CDK19: variants seen among roughly 807,000 people sequenced by gnomAD.
CDK19 encodes cyclin dependent kinase 19, also known as cyclin-dependent kinase 19.
CDK19 carries 20 observed loss-of-function variants against 68.3 expected under a neutral mutation model. The observed-to-expected ratio is 0.29, with a 90% CI of 0.21 to 0.43. CDK19 has a LOEUF of 0.43. Among genes scored for constraint, CDK19 ranks in the 20% least tolerant of loss-of-function variants. The pLI, the probability that CDK19 is intolerant of heterozygous loss-of-function variation, is 1.00. For missense variants in CDK19, 339 were observed against 623.5 expected, an observed-to-expected ratio of 0.54 and a Z score of 4.86; for synonymous variants, 221 against 222.8, an observed-to-expected ratio of 0.99 and a Z score of 0.07.
Position 110,621,215 on chromosome 6 carries a change from C to A in CDK19, c.1266G>T (p.Gly422=). The A allele has an allele frequency of 6.2e-7, 1 of 1,613,796 alleles. No homozygotes were observed. The highest frequency in any genetic ancestry group is 8.5e-7 in the Non-Finnish European group (1 of 1,180,020). Residue 422 remains glycine (G), a synonymous_variant, in exon 12 of 13, where the codon GGG becomes GGT. Coordinates refer to ENST00000368911, the MANE Select transcript of CDK19 (RefSeq NM_015076.5). The surrounding 1 kb of genome is among the most constrained non-coding windows in gnomAD (Gnocchi z 5.4). ...GGCTGGAGTCCTGGCTGTGCTGCAA[C>A]CCTGCTCCGGTGCCCCCGACCCCGG... The part of the protein sequence containing the change: ...AGAGVGGTGA[G]LQHSQDSSLN...
intron 1 of CDK19, among the ~76,000 whole-genome samples, chr6:110,746,630 T>C (rs1778095235): frequency 6.6e-6 from 1 of 152,194 alleles, no homozygotes; most frequent in African/African-American, 2.4e-5. Flanking sequence ...AATTTCATAG[T>C]ATAAGAAGCT....
intron 2 of CDK19, among the ~76,000 whole-genome samples, chr6:110,743,954 T>C (rs927308263): frequency 2.6e-5 from 4 of 151,592 alleles, no homozygotes; most frequent in African/African-American, 9.7e-5. Flanking sequence ...GATTTTAAAA[T>C]GTGACAAATC....
chr6:110,713,915 T>C (rs1011317187), intron 2 of CDK19, among the ~76,000 whole-genome samples: 2 of 152,236 alleles, frequency 1.3e-5, no homozygotes, highest in African/African-American at 4.8e-5. Flanking sequence ...TTACTGAGTA[T>C]TCTTTCTTTT....
rs975547912 is a variant in CDK19, at chr6:110,761,423, C to T, written c.129-15222G>A. On this transcript the variant is annotated intron_variant, in intron 1 of 12. Coordinates refer to ENST00000368911, the MANE Select transcript of CDK19 (RefSeq NM_015076.5). Reference sequence around the variant, plus strand: ...TAATTAGGAAACAGTGTCAACAGAACATGTGGTGAAGAAACAAGAGAAAGA... The same window carrying T: ...TAATTAGGAAACAGTGTCAACAGAATATGTGGTGAAGAAACAAGAGAAAGA... Among the ~76,000 whole-genome samples, 5 of 152,172 alleles carry T rather than the reference C, an allele frequency of 3.3e-5. No homozygotes were observed. In the East Asian group the frequency reaches 5.8e-4, roughly 18 times the overall value.
intron 12 of CDK19, among the ~76,000 whole-genome samples, chr6:110,619,594 G>C (rs1290034804): frequency 6.6e-6 from 1 of 151,646 alleles, no homozygotes; most frequent in Non-Finnish European, 1.5e-5. Context: ...CAAGAATCTT[G>C]CTAAGTTGGC....
intron 2 of CDK19, among the ~76,000 whole-genome samples, chr6:110,698,683 T>C (rs1296799938): frequency 3.9e-5 from 6 of 152,170 alleles, no homozygotes; most frequent in Non-Finnish European, 7.4e-5. Flanking sequence ...GAAGTCATTA[T>C]ATCAAAGGCA....
intron 4 of CDK19, among the ~76,000 whole-genome samples, chr6:110,654,703 G>T (rs13196787): frequency 6.6e-6 from 1 of 152,226 alleles, no homozygotes; most frequent in Non-Finnish European, 1.5e-5. Context: ...AACATTGGGA[G>T]GCCAAGGCGG....
chr6:110,807,135 A>G (rs1319107538), intron 1 of CDK19, among the ~76,000 whole-genome samples: 1 of 150,988 alleles, frequency 6.6e-6, no homozygotes, highest in Non-Finnish European at 1.5e-5. Flanking sequence ...CCTCATCTCT[A>G]CAAATAATTT....
At chr6:110,633,913 T>C (rs1182289840) in intron 5 of CDK19, among the ~76,000 whole-genome samples, 1 of 152,228 alleles carries the variant, frequency 6.6e-6, no homozygotes, top group Non-Finnish European at 1.5e-5. Context: ...ATTTAGGAGC[T>C]ACCTCCTTAA....
chr6:110,703,202 A>C (rs1190550348), intron 2 of CDK19, among the ~76,000 whole-genome samples: 1 of 152,190 alleles, frequency 6.6e-6, no homozygotes, highest in Non-Finnish European at 1.5e-5. Context: ...AATAGAAAAT[A>C]ATTGAAAACA....
chr6:110,762,445 C>A (rs944787780), intron 1 of CDK19, among the ~76,000 whole-genome samples: 2 of 152,166 alleles, frequency 1.3e-5, no homozygotes, highest in Non-Finnish European at 2.9e-5. Context: ...TGTATGGTAA[C>A]TTTTCCATAG....
chr6:110,691,822 A>G (rs1195507676), intron 2 of CDK19, among the ~76,000 whole-genome samples: 2 of 150,108 alleles, frequency 1.3e-5, no homozygotes, highest in Non-Finnish European at 3.0e-5. Context: ...TTATTTTTGT[A>G]TTTTTAGTAG....
chr6:110,667,744 T>C (rs1198441548), intron 3 of CDK19, among the ~76,000 whole-genome samples, 170 bp from the exon 4 acceptor site: 1 of 152,156 alleles, frequency 6.6e-6, no homozygotes, highest in African/African-American at 2.4e-5. Flanking sequence ...CAATCTATTT[T>C]GAGGGTGACT....
chr6:110,788,141 GT>G (rs1010185602), intron 1 of CDK19, among the ~76,000 whole-genome samples: 3 of 150,632 alleles, frequency 2.0e-5, no homozygotes, highest in Admixed American at 1.3e-4. Flanking sequence ...CACCTGGCCT[GT>G]TTTTTGTTTT....
chr6:110,805,843 T>C lies in CDK19; in HGVS notation c.128+9166A>G, dbSNP rs142670964. Among the ~76,000 whole-genome samples the C allele has an allele frequency of 5.3e-3, 806 of 152,284 alleles. 4 individuals are homozygous for C. Among genetic ancestry groups the C allele is most frequent in the African/African-American group, 0.018 (768 of 41,538 alleles). On this transcript the variant is annotated intron_variant, in intron 1 of 12. Coordinates refer to ENST00000368911, the MANE Select transcript of CDK19 (RefSeq NM_015076.5). ...CCTTTCCATGGATCTACTCTTCCTATGTAAAACTCAGAGACATGCCTTTTC... is the reference window on the plus strand; with the variant it reads ...CCTTTCCATGGATCTACTCTTCCTACGTAAAACTCAGAGACATGCCTTTTC...
chr6:110,716,107 G>A (rs1287020334), intron 2 of CDK19, among the ~76,000 whole-genome samples: 2 of 152,014 alleles, frequency 1.3e-5, no homozygotes, highest in Non-Finnish European at 2.9e-5. Flanking sequence ...CTTAGGGTAG[G>A]CAGATTATTT....
rs779134930 is a variant in CDK19 at position 110,614,636 on chromosome 6, T to G, written c.1408A>C (p.Ser470Arg). ...TGGGACTGAGAGGATCCCTGAACGC[T>G]GCTTTGGTAATTCAGGCGAGAACTG... ...HSSSRLNYQS[S>R]VQGSSQSQST... Residue 470 changes from serine (S) to arginine (R), a missense_variant, in exon 13 of 13, where the codon AGC (serine) becomes CGC (arginine). By Grantham distance (110) the Ser-to-Arg change is moderately radical (BLOSUM62 -1). Around this residue, in one of 4 missense-constraint regions of CDK19, gnomAD observed 155 missense variants for 222.7 expected, o/e 0.70. Coordinates refer to ENST00000368911, the MANE Select transcript of CDK19 (RefSeq NM_015076.5). 2.5e-6 allele frequency: 4 copies of G among 1,613,874 alleles called. No individual in the cohort carries two copies. Among genetic ancestry groups the G allele is most frequent in the Non-Finnish European group, 3.4e-6 (4 of 1,179,934 alleles).
chr6:110,756,113 C>T (rs146341662), intron 1 of CDK19, among the ~76,000 whole-genome samples: 1 of 151,940 alleles, frequency 6.6e-6, no homozygotes, highest in African/African-American at 2.4e-5. Context: ...ACGAAATTAG[C>T]TAGGCGTGGC....
chr6:110,748,986 A>T (rs1778267564), intron 1 of CDK19, among the ~76,000 whole-genome samples: 1 of 152,232 alleles, frequency 6.6e-6, no homozygotes, highest in Non-Finnish European at 1.5e-5. Context: ...AAACTATTTC[A>T]TTTCCAAATT....
Sources: allele counts gnomAD v4.1 joint callset (sites outside exome capture counted in the v4.1 genomes callset), GRCh38; gene constraint gnomAD v4.1.1; regional missense constraint gnomAD v4.1.1; non-coding constraint Gnocchi (gnomAD v3.1); transcripts MANE v1.5; gene names NCBI Gene and HGNC (gene_info 2026-07-23, HGNC 2026-07-21).